HINT3: variants seen among roughly 807,000 people sequenced by gnomAD.
The protein encoded by HINT3 is adenosine 5'-monophosphoramidase HINT3.
A neutral mutation model predicts 19.1 loss-of-function variants in HINT3; 16 were observed. That is an observed-to-expected ratio of 0.84 (90% CI 0.57 to 1.27). HINT3 has a LOEUF of 1.27. Ranked by LOEUF, HINT3 falls within the 50% of genes most tolerant of loss-of-function variation. The pLI is 0.00. For missense variants in HINT3, 197 were observed against 225.8 expected (o/e 0.87, Z 0.82); for synonymous variants, 75 against 84.8 (o/e 0.88, Z 0.63).
chr6:125,956,907 G>A lies in HINT3; in HGVS notation c.-71G>A, dbSNP rs1169654031. Reference sequence around the variant, plus strand: ...TCTCGAGGTAAAACGGAGGAGGTGCGGGACGCGGAGACTGCGCGGGCCCGG... The same window carrying A: ...TCTCGAGGTAAAACGGAGGAGGTGCAGGACGCGGAGACTGCGCGGGCCCGG... On this transcript the variant is annotated 5_prime_UTR_variant, in exon 1 of 5. Coordinates refer to ENST00000229633, the MANE Select transcript of HINT3 (RefSeq NM_138571.5). The A allele has an allele frequency of 1.4e-6, 2 of 1,449,660 alleles. No individual in the cohort carries two copies. The highest frequency in any genetic ancestry group is 2.1e-5 in the Admixed American group (1 of 48,366). The allele number at this position is 1,449,660 out of a possible 1,614,324, so 89.8% of individuals were successfully genotyped here.
At chr6:125,973,065 CTTTTTTTTTTTTT>C (rs869084942) in intron 3 of HINT3, among the ~76,000 whole-genome samples, 22 of 74,480 alleles carry the variant, frequency 3.0e-4, no homozygotes, top group Admixed American at 1.0e-3. Context: ...AATTTTTCAA[CTTTTTTTTTTTTT>C]TTTTTTTTTT....
At chr6:125,959,472 C>T (rs1032295431) in intron 1 of HINT3, among the ~76,000 whole-genome samples, 1 of 152,196 alleles carries the variant, frequency 6.6e-6, no homozygotes, top group Non-Finnish European at 1.5e-5. Context: ...GTTAGATGAC[C>T]CTTGTATGTC....
At chr6:125,975,035 T>C in intron 4 of HINT3, 62 bp downstream of exon 4, 1 of 1,549,954 alleles carries the variant, frequency 6.5e-7, no homozygotes, top group Non-Finnish European at 8.8e-7. Flanking sequence ...TTCATTGTAG[T>C]TTTTTCTTCT....
At chr6:125,974,021 A>G (rs770283423) in intron 3 of HINT3, among the ~76,000 whole-genome samples, 13 of 152,286 alleles carry the variant, frequency 8.5e-5, no homozygotes, top group Admixed American at 3.9e-4. Flanking sequence ...TATGTACTGC[A>G]TATCTGACTC....
intron 4 of HINT3, among the ~76,000 whole-genome samples, chr6:125,976,818 T>C (rs1367961887): frequency 6.6e-6 from 1 of 152,172 alleles, no homozygotes; most frequent in Non-Finnish European, 1.5e-5. Flanking sequence ...CAAAATCTTA[T>C]ATAATGATCC....
chr6:125,962,239 TATATATATATA>T (rs1788946624), intron 1 of HINT3, among the ~76,000 whole-genome samples: 1 of 46,490 alleles, frequency 2.2e-5, no homozygotes, highest in African/African-American at 1.4e-4. Context: ...TATATACACA[TATATATATATA>T]CACACATATA....
chr6:125,977,572 T>C (rs572371820), intron 4 of HINT3, 72 bp from the exon 5 acceptor site: 2 of 739,792 alleles, frequency 2.7e-6, no homozygotes, highest in African/African-American at 3.6e-5. Flanking sequence ...CATATTATAA[T>C]AGGGATACCA....
At chr6:125,968,795 G>C (rs983900962) in intron 2 of HINT3, among the ~76,000 whole-genome samples, 3 of 151,580 alleles carry the variant, frequency 2.0e-5, no homozygotes, top group Admixed American at 6.6e-5. Context: ...ATATTTTTTT[G>C]TCCTCTTGTA....
intron 2 of HINT3, among the ~76,000 whole-genome samples, chr6:125,967,326 C>CTTT (rs537273461): frequency 1.3e-4 from 12 of 95,184 alleles, no homozygotes; most frequent in African/African-American, 1.7e-4. Context: ...ATTTTTATGA[C>CTTT]TTTTTTTTTT....
intron 1 of HINT3, among the ~76,000 whole-genome samples, chr6:125,961,478 C>G (rs572537923): frequency 2.1e-3 from 319 of 152,310 alleles, no homozygotes; most frequent in African/African-American, 7.4e-3. Context: ...GTCCAGGCCT[C>G]TGGAACTTCT....
intron 1 of HINT3, among the ~76,000 whole-genome samples, chr6:125,960,617 G>A (rs964384071): frequency 1.1e-4 from 16 of 141,592 alleles, no homozygotes; most frequent in East Asian, 5.0e-4. Flanking sequence ...AGATCGCGCC[G>A]CTGCACTCCA....
At chr6:125,970,376 G>T (rs1789080890) in intron 2 of HINT3, among the ~76,000 whole-genome samples, 1 of 151,964 alleles carries the variant, frequency 6.6e-6, no homozygotes, top group Non-Finnish European at 1.5e-5. Context: ...TTTCATTCTT[G>T]TAGTTATTTC....
chr6:125,974,020 C>T (rs1045924362), intron 3 of HINT3, among the ~76,000 whole-genome samples: 5 of 152,192 alleles, frequency 3.3e-5, no homozygotes, highest in African/African-American at 1.2e-4. Flanking sequence ...GTATGTACTG[C>T]ATATCTGACT....
chr6:125,974,188 A>G (rs1039715226), intron 3 of HINT3, among the ~76,000 whole-genome samples: 5 of 152,204 alleles, frequency 3.3e-5, no homozygotes, highest in African/African-American at 4.8e-5. Flanking sequence ...TGGACTTGCA[A>G]AAATTTTTGT....
At chr6:125,972,197 A>C in intron 2 of HINT3, 62 bp from the exon 3 acceptor site, 1 of 1,053,834 alleles carries the variant, frequency 9.5e-7, no homozygotes, top group East Asian at 2.6e-5. Flanking sequence ...AGTGAAGATC[A>C]ATGGCAATTT....
chr6:125,960,670 A>T (rs79901345), intron 1 of HINT3, among the ~76,000 whole-genome samples: 2 of 43,662 alleles, frequency 4.6e-5, no homozygotes, highest in African/African-American at 8.8e-5. Flanking sequence ...GGGGGGAAAA[A>T]AAAAGAAGTT....
intron 1 of HINT3, among the ~76,000 whole-genome samples, chr6:125,959,935 GA>G (rs1176955892): frequency 6.6e-6 from 1 of 152,178 alleles, no homozygotes; most frequent in African/African-American, 2.4e-5. Flanking sequence ...TGTCGTTGCA[GA>G]AAAGGATAAT....
intron 1 of HINT3, among the ~76,000 whole-genome samples, chr6:125,965,541 G>A (rs573888540): frequency 5.3e-4 from 81 of 152,110 alleles, no homozygotes; most frequent in Non-Finnish European, 1.0e-3. Flanking sequence ...CAGGAGGATC[G>A]CTTGAGTCCA....
chr6:125,961,819 G>T (rs1209101060), intron 1 of HINT3, among the ~76,000 whole-genome samples: 1 of 151,902 alleles, frequency 6.6e-6, no homozygotes, highest in Non-Finnish European at 1.5e-5. Context: ...GGACAAAAAG[G>T]GTATGATCTA....
Sources: gnomAD v4.1 joint callset for allele counts (sites outside exome capture counted in the v4.1 genomes callset) on GRCh38, gnomAD v4.1.1 for gene constraint, MANE v1.5 for transcripts, NCBI Gene and HGNC (gene_info 2026-07-23, HGNC 2026-07-21) for gene names.